Variants in PKNOX2 observed in about 807,000 individuals in gnomAD.
PKNOX2 encodes PBX/knotted 1 homeobox 2.
Under a neutral mutation model 53.1 loss-of-function variants are expected in PKNOX2, and 14 were observed. The observed-to-expected ratio is 0.26, with a 90% CI of 0.17 to 0.41. The LOEUF is 0.41. PKNOX2 is among the 10% of genes least tolerant of loss of function. The pLI is 1.00. For missense variants in PKNOX2, 496 were observed against 602.8 expected, an observed-to-expected ratio of 0.82 and a Z score of 1.85; for synonymous variants, 257 against 242.8, an observed-to-expected ratio of 1.06 and a Z score of -0.54.
intron 1 of PKNOX2, among the ~76,000 whole-genome samples, chr11:125,182,602 C>T (rs1956217074): frequency 6.6e-6 from 1 of 152,218 alleles, no homozygotes; most frequent in African/African-American, 2.4e-5. Context: ...ACAGATGTTA[C>T]ATACAACAGG....
At chr11:125,369,173 C>T (rs1952377806) in intron 5 of PKNOX2, among the ~76,000 whole-genome samples, 2 of 152,220 alleles carry the variant, frequency 1.3e-5, no homozygotes, top group African/African-American at 4.8e-5. Flanking sequence ...GCCTCTAATA[C>T]CAACAGTTGA....
intron 7 of PKNOX2, among the ~76,000 whole-genome samples, chr11:125,398,302 A>G (rs948416990): frequency 1.3e-5 from 2 of 152,182 alleles, no homozygotes; most frequent in Non-Finnish European, 2.9e-5. Flanking sequence ...CAGATCGGAG[A>G]GGGACAATGT....
intron 1 of PKNOX2, among the ~76,000 whole-genome samples, chr11:125,227,466 C>G (rs1395748517): frequency 1.3e-5 from 2 of 152,178 alleles, no homozygotes; most frequent in African/African-American, 4.8e-5. Context: ...ACAGGTGGAA[C>G]CATACAGTAT....
At chr11:125,351,050 C>T (rs1951279096) in intron 3 of PKNOX2, among the ~76,000 whole-genome samples, 1 of 152,104 alleles carries the variant, frequency 6.6e-6, no homozygotes, top group Non-Finnish European at 1.5e-5. Context: ...GCAGGGGTAC[C>T]GGTTGTTTTA....
At position 125,431,464 on chromosome 11, in the gene PKNOX2, G is replaced by GA; in HGVS notation, c.*74dup. 3.3e-6 allele frequency: 1 copy of GA among 302,800 alleles called. No homozygotes were observed. The highest frequency in any genetic ancestry group is 6.7e-6 in the Non-Finnish European group (1 of 149,866). The allele number at this position is 302,800 out of a possible 1,614,324, so 18.8% of individuals were successfully genotyped here. A position where few individuals can be genotyped will look rare whatever the true frequency, so the allele number is the denominator to read the frequency against. On this transcript the variant is annotated 3_prime_UTR_variant, in exon 13 of 13. Transcript: ENST00000298282. ...GCCGGGAGGCCTTCAGGGTGGGGGG[G>GA]AAGGGGACATGGGCAGGAAGCACCG...
intron 3 of PKNOX2, among the ~76,000 whole-genome samples, chr11:125,334,551 G>A (rs12360945): frequency 0.18 from 27,054 of 151,072 alleles, 4,596 homozygotes; most frequent in African/African-American, 0.45. Flanking sequence ...TTTGCTGCCT[G>A]TGAGATTTGG....
rs772629251 is a variant in PKNOX2, at chr11:125,397,366, C to A, written c.400-508C>A. Among the ~76,000 whole-genome samples the A allele has an allele frequency of 1.4e-4, 22 of 152,352 alleles. 1 individual carries two copies. Among genetic ancestry groups the A allele is most frequent in the African/African-American group, 4.3e-4 (18 of 41,576 alleles). On this transcript the variant is annotated intron_variant, in intron 6 of 12. Coordinates refer to ENST00000298282, the MANE Select transcript of PKNOX2 (RefSeq NM_001382323.2). ...AGAGGCACTTATAAGAAATTCTGAT[C>A]TCCATCTTCCTCAGGCTTGCCTGGT... is the stretch of plus-strand genomic sequence containing the variant.
At chr11:125,381,621 A>G (rs1012923327) in intron 5 of PKNOX2, among the ~76,000 whole-genome samples, 1 of 152,020 alleles carries the variant, frequency 6.6e-6, no homozygotes, top group Non-Finnish European at 1.5e-5. Context: ...GAGGAGGTGC[A>G]TGTTCCCTGC....
chr11:125,242,422 C>A (rs973245918), intron 2 of PKNOX2, among the ~76,000 whole-genome samples: 2 of 152,142 alleles, frequency 1.3e-5, no homozygotes, highest in African/African-American at 4.8e-5. Flanking sequence ...ACTCTCTCTC[C>A]CCACGATGCC....
intron 1 of PKNOX2, among the ~76,000 whole-genome samples, chr11:125,167,171 A>G (rs1422357365): frequency 1.5e-5 from 2 of 132,706 alleles, no homozygotes; most frequent in Admixed American, 7.8e-5. Context: ...TTCTCTGGGC[A>G]TCTAGAGAAA....
At chr11:125,295,525 G>A (rs909090822) in intron 2 of PKNOX2, among the ~76,000 whole-genome samples, 6 of 152,220 alleles carry the variant, frequency 3.9e-5, no homozygotes, top group South Asian at 2.1e-4. Context: ...GCTCAGGAGC[G>A]GCCTTTGCTG....
rs941919122 is a variant in PKNOX2 at position 125,206,756 on chromosome 11, G to A, written c.-200-28289G>A. 1.5e-4 allele frequency among the ~76,000 whole-genome samples: 23 copies of A among 152,060 alleles called. 1 individual carries two copies. The highest frequency in any genetic ancestry group is 5.6e-4 in the African/African-American group (23 of 41,420). ...TAATCAGCATAACAAGCTAACAGAC[G>A]TCTTGGAGCAAAGACAGCGCTCAGT... On this transcript the variant is annotated intron_variant, in intron 1 of 12. Coordinates refer to ENST00000298282, the MANE Select transcript of PKNOX2 (RefSeq NM_001382323.2).
At position 125,341,064 on chromosome 11, in the gene PKNOX2, A is replaced by G. The variant is rs534577592; in HGVS notation, c.-23+9139A>G. Among the ~76,000 whole-genome samples the G allele has an allele frequency of 3.2e-3, 486 of 150,666 alleles. 6 individuals are homozygous for G. The highest frequency in any genetic ancestry group is 4.8e-3 in the Non-Finnish European group (323 of 67,642). ...GACTCCATCTCAAAAAAAAAAAAAA[A>G]AAAAAAAAGTAAGCCGGCCAGGCAC... On this transcript the variant is annotated intron_variant, in intron 3 of 12. Coordinates refer to ENST00000298282, the MANE Select transcript of PKNOX2 (RefSeq NM_001382323.2).
At chr11:125,410,077 A>G in intron 7 of PKNOX2, 119 bp from the exon 8 acceptor site, 1 of 1,361,062 alleles carries the variant, frequency 7.3e-7, no homozygotes, top group East Asian at 2.4e-5. Flanking sequence ...GGGTCTGGGG[A>G]GGAGCTAGAA....
intron 10 of PKNOX2, among the ~76,000 whole-genome samples, 161 bp downstream of exon 10, chr11:125,412,026 G>T (rs1955586720): frequency 6.6e-6 from 1 of 152,174 alleles, no homozygotes; most frequent in Non-Finnish European, 1.5e-5. Context: ...CAGGCCAGGG[G>T]GGCTCAGGTG....
intron 2 of PKNOX2, among the ~76,000 whole-genome samples, chr11:125,265,827 G>C (rs550238285): frequency 3.9e-5 from 6 of 152,246 alleles, no homozygotes; most frequent in South Asian, 2.1e-4. Context: ...GATCCTGAAG[G>C]GGGGAGCTTA....
At chr11:125,305,264 T>C (rs1034048616) in intron 2 of PKNOX2, among the ~76,000 whole-genome samples, 6 of 152,178 alleles carry the variant, frequency 3.9e-5, no homozygotes, top group African/African-American at 1.2e-4. Flanking sequence ...TTGTGTCTAG[T>C]GATGTGTGTA....
chr11:125,263,237 A>G (rs1945019328), intron 2 of PKNOX2, among the ~76,000 whole-genome samples: 1 of 152,176 alleles, frequency 6.6e-6, no homozygotes, highest in African/African-American at 2.4e-5. Context: ...TTCATAAAGG[A>G]GACCTCCTCT....
chr11:125,289,479 T>A (rs12800009), intron 2 of PKNOX2, among the ~76,000 whole-genome samples: 37,437 of 152,152 alleles, frequency 0.25, 5,928 homozygotes, highest in African/African-American at 0.45. Flanking sequence ...GAGAACATGG[T>A]TGCACTTTGC....
Sources: gnomAD v4.1 joint callset for allele counts (sites outside exome capture counted in the v4.1 genomes callset) on GRCh38, gnomAD v4.1.1 for gene constraint, MANE v1.5 for transcripts, NCBI Gene and HGNC (gene_info 2026-07-23, HGNC 2026-07-21) for gene names.